The following FAM135B variants were observed in gnomAD, a reference collection of about 807,000 sequenced individuals.
The protein encoded by FAM135B is family with sequence similarity 135 member B.
FAM135B carries 43 observed loss-of-function variants against 127.7 expected under a neutral mutation model. That is an observed-to-expected ratio of 0.34 (90% CI 0.26 to 0.43). FAM135B has a LOEUF of 0.43. Among genes scored for constraint, FAM135B ranks in the 20% least tolerant of loss-of-function variants. The pLI is 1.00. For synonymous variants in FAM135B, 670 were observed against 665.1 expected, an observed-to-expected ratio of 1.01 and a Z score of -0.11; for missense variants, 1,558 against 1,725.6, an observed-to-expected ratio of 0.90 and a Z score of 1.72.
intron 1 of FAM135B, among the ~76,000 whole-genome samples, chr8:138,457,016 T>C (rs1037798764): frequency 7.4e-5 from 7 of 95,238 alleles, no homozygotes; most frequent in Admixed American, 3.5e-4. Flanking sequence ...GAAAGAAAAA[T>C]AAAAGGAACA....
intron 12 of FAM135B, among the ~76,000 whole-genome samples, chr8:138,159,448 T>C (rs1258654179): frequency 6.6e-6 from 1 of 151,006 alleles, no homozygotes; most frequent in Non-Finnish European, 1.5e-5. Flanking sequence ...ATTCATGTCC[T>C]TTGTAGGGAC....
intron 8 of FAM135B, among the ~76,000 whole-genome samples, chr8:138,196,120 A>G (rs777604056): frequency 6.6e-6 from 1 of 152,236 alleles, no homozygotes; most frequent in Non-Finnish European, 1.5e-5. Context: ...TATCTGACAC[A>G]TAGTACATGT....
chr8:138,266,189 A>G (rs1822907776), intron 3 of FAM135B, among the ~76,000 whole-genome samples: 2 of 152,244 alleles, frequency 1.3e-5, no homozygotes, highest in East Asian at 3.9e-4. Context: ...CTCCTCTCCC[A>G]GAAACAATGA....
At chr8:138,218,582 G>T (rs1818753991) in intron 7 of FAM135B, among the ~76,000 whole-genome samples, 1 of 152,124 alleles carries the variant, frequency 6.6e-6, no homozygotes. Context: ...ATGGATGTTA[G>T]AAAAGTTAAA....
intron 7 of FAM135B, among the ~76,000 whole-genome samples, chr8:138,215,994 C>T (rs183105519): frequency 7.9e-5 from 12 of 152,224 alleles, no homozygotes; most frequent in African/African-American, 2.4e-4. Context: ...TCAGTGGAAG[C>T]GATATTCATT....
intron 2 of FAM135B, among the ~76,000 whole-genome samples, chr8:138,364,246 G>A (rs986136671): frequency 2.0e-5 from 3 of 152,166 alleles, no homozygotes; most frequent in Non-Finnish European, 2.9e-5. Context: ...CAGGGATCAT[G>A]CCTGTCAGGA....
intron 1 of FAM135B, among the ~76,000 whole-genome samples, chr8:138,370,937 C>T (rs985332914): frequency 6.6e-6 from 1 of 152,148 alleles, no homozygotes; most frequent in African/African-American, 2.4e-5. Context: ...GTGGCATCAG[C>T]AACACTGTGT....
At chr8:138,483,786 T>G (rs1048474733) in intron 1 of FAM135B, among the ~76,000 whole-genome samples, 1 of 152,122 alleles carries the variant, frequency 6.6e-6, no homozygotes, top group Non-Finnish European at 1.5e-5. Context: ...TTCCACTGGG[T>G]GTCAATCCAG....
intron 7 of FAM135B, among the ~76,000 whole-genome samples, chr8:138,226,446 C>A (rs1337534034): frequency 3.9e-5 from 6 of 152,174 alleles, no homozygotes; most frequent in African/African-American, 1.4e-4. Context: ...CACGTTTAAA[C>A]TGATCTGAAG....
chr8:138,318,580 T>A (rs1457100153), intron 2 of FAM135B, among the ~76,000 whole-genome samples: 1 of 152,214 alleles, frequency 6.6e-6, no homozygotes, highest in Non-Finnish European at 1.5e-5. Context: ...TAACCAGTTA[T>A]CCGAAGCCAC....
At chr8:138,379,653 A>T (rs1160318080) in intron 1 of FAM135B, among the ~76,000 whole-genome samples, 1 of 152,144 alleles carries the variant, frequency 6.6e-6, no homozygotes, top group Non-Finnish European at 1.5e-5. Flanking sequence ...GCCCACAGCC[A>T]ACAAGGCTGG....
At chr8:138,181,024 A>C (rs1814974951) in intron 9 of FAM135B, among the ~76,000 whole-genome samples, 1 of 150,886 alleles carries the variant, frequency 6.6e-6, no homozygotes, top group African/African-American at 2.4e-5. Flanking sequence ...GCGGATCACG[A>C]GGTCAAGAGA....
At chr8:138,372,325 G>T (rs1224676521) in intron 1 of FAM135B, among the ~76,000 whole-genome samples, 1 of 152,200 alleles carries the variant, frequency 6.6e-6, no homozygotes, top group Non-Finnish European at 1.5e-5. Context: ...CAGACAGTTT[G>T]CCCCTGGTGC....
rs542216692 is a variant in FAM135B, at chr8:138,137,241, G to A, written c.3921C>T (p.Asn1307=). ...CTTGGGGAGAAGCAACCAGCACGAC[G>A]TTTTTAAAATACTGCAGCCCTGTAA... is the stretch of plus-strand genomic sequence containing the variant. ...SQKTGLQYFK[N]VVLVASPQDR... is the part of the protein sequence containing the mutation. Residue 1307 remains asparagine (N), a synonymous_variant, in exon 19 of 20, where the codon AAC becomes AAT. Transcript: ENST00000395297. The A allele has an allele frequency of 1.5e-5, 24 of 1,605,774 alleles. No homozygotes were observed. The highest frequency in any genetic ancestry group is 1.1e-4 in the African/African-American group (8 of 74,736).
intron 1 of FAM135B, among the ~76,000 whole-genome samples, chr8:138,448,961 T>G (rs960756419): frequency 6.6e-6 from 1 of 152,174 alleles, no homozygotes; most frequent in African/African-American, 2.4e-5. Context: ...GTTTGGGAGA[T>G]CTTTTCTCAT....
In FAM135B at chr8:138,143,056, G is replaced by T. The variant is rs1817347353; in HGVS notation, c.3594C>A (p.Ile1198=). The T allele has an allele frequency of 6.2e-7, 1 of 1,610,444 alleles. No individual in the cohort carries two copies. ...GGTTGTACAACTGAATGTGTTGAATGATTTCATCCAATAACCGATCCGTCA... is the reference window on the plus strand; with the variant it reads ...GGTTGTACAACTGAATGTGTTGAATTATTTCATCCAATAACCGATCCGTCA... ...DTMTDRLLDE[I]IQHIQLYNLS... is the part of the protein sequence containing the mutation. Residue 1198 remains isoleucine (I), a synonymous_variant, in exon 16 of 20, where the codon ATC becomes ATA. Coordinates refer to ENST00000395297, the MANE Select transcript of FAM135B (RefSeq NM_015912.4).
intron 1 of FAM135B, among the ~76,000 whole-genome samples, chr8:138,373,383 C>T (rs3895045): frequency 0.5 from 74,317 of 150,124 alleles, 20,301 homozygotes; most frequent in East Asian, 0.82. Flanking sequence ...ATCAATACCC[C>T]TGTGATTTCC....
intron 1 of FAM135B, chr8:138,440,968 C>T (rs560499469): frequency 1.3e-5 from 2 of 152,238 alleles, no homozygotes; most frequent in South Asian, 4.2e-4. Flanking sequence ...CACTAGAATA[C>T]TAAACACAGA....
intron 9 of FAM135B, among the ~76,000 whole-genome samples, chr8:138,187,756 C>T (rs182512321): frequency 2.6e-5 from 4 of 152,258 alleles, no homozygotes; most frequent in African/African-American, 9.6e-5. Flanking sequence ...TGAGCCTGTG[C>T]CAATGAGGTG....
Sources: allele counts gnomAD v4.1 joint callset (sites outside exome capture counted in the v4.1 genomes callset), GRCh38; gene constraint gnomAD v4.1.1; transcripts MANE v1.5; gene names NCBI Gene and HGNC (gene_info 2026-07-23, HGNC 2026-07-21).